The following BIRC6 variants were observed in gnomAD, a reference collection of about 807,000 sequenced individuals.
BIRC6 encodes the protein baculoviral IAP repeat containing 6.
BIRC6 carries 98 observed loss-of-function variants against 503.3 expected under a neutral mutation model. The observed-to-expected ratio is 0.19, with a 90% CI of 0.17 to 0.23. The LOEUF (loss-of-function observed/expected upper bound fraction) is 0.23, where lower values mean the gene tolerates loss of function less well. Among genes scored for constraint, BIRC6 ranks in the 10% least tolerant of loss-of-function variants. The pLI, the probability that BIRC6 is intolerant of heterozygous loss-of-function variation, is 1.00. For synonymous variants in BIRC6, 2,240 were observed against 2,078.7 expected, an observed-to-expected ratio of 1.08 and a Z score of -2.11; for missense variants, 5,360 against 5,806.0, an observed-to-expected ratio of 0.92 and a Z score of 2.50.
At chr2:32,550,444 A>AT (rs1295981000) in intron 65 of BIRC6, among the ~76,000 whole-genome samples, 1 of 151,984 alleles carries the variant, frequency 6.6e-6, no homozygotes, top group Non-Finnish European at 1.5e-5. Context: ...TATTAGATTG[A>AT]TTTTTTTGTT....
chr2:32,376,872 A>G (rs901741066), intron 1 of BIRC6, among the ~76,000 whole-genome samples: 1 of 152,180 alleles, frequency 6.6e-6, no homozygotes, highest in Non-Finnish European at 1.5e-5. Context: ...TATGTACTGT[A>G]CTTTTGGACC....
In BIRC6 at chr2:32,501,682, C is replaced by T. The variant is rs369785937; in HGVS notation, c.9032-31C>T. Reference sequence around the variant, plus strand: ...CACTGCGCCTGGCTGGATATATATACTTTTAATGTGGTATCTTTTATTTTT... The same window carrying T: ...CACTGCGCCTGGCTGGATATATATATTTTTAATGTGGTATCTTTTATTTTT... On this transcript the variant is annotated intron_variant, in intron 46 of 73. Coordinates refer to ENST00000421745, the MANE Select transcript of BIRC6 (RefSeq NM_016252.4). 3 of 1,586,314 alleles carry T rather than the reference C, an allele frequency of 1.9e-6. No homozygotes were observed. In the African/African-American group the frequency reaches 4.1e-5, roughly 22 times the overall value.
Position 32,593,902 on chromosome 2 carries a change from T to TA in BIRC6, c.13356-6dup, listed in dbSNP as rs1332469338. On this transcript the variant is annotated splice_polypyrimidine_tract_variant and intron_variant, in intron 66 of 73. Transcript: ENST00000421745. Reference sequence around the variant, plus strand: ...ATTTTCCTTGCTTTTCTTTCCATATTAAAAAAATTCAGATCTAAAAGGGAA... The same window carrying TA: ...ATTTTCCTTGCTTTTCTTTCCATATTAAAAAAAATTCAGATCTAAAAGGGAA... 7 of 1,603,796 alleles carry TA rather than the reference T, an allele frequency of 4.4e-6. No homozygotes were observed. Among genetic ancestry groups the TA allele is most frequent in the Non-Finnish European group, 6.0e-6 (7 of 1,175,786 alleles).
intron 1 of BIRC6, among the ~76,000 whole-genome samples, chr2:32,367,148 G>T (rs145108135): frequency 2.2e-4 from 33 of 148,822 alleles, no homozygotes; most frequent in Non-Finnish European, 4.1e-4. Context: ...CAAATAAAAA[G>T]AATACAGTAA....
At chr2:32,454,962 T>A (rs2047079747) in intron 23 of BIRC6, among the ~76,000 whole-genome samples, 1 of 152,226 alleles carries the variant, frequency 6.6e-6, no homozygotes, top group South Asian at 2.1e-4. Context: ...TCTTGGACTA[T>A]ATAGTCATTT....
intron 9 of BIRC6, among the ~76,000 whole-genome samples, chr2:32,411,737 C>T (rs1187897957): frequency 1.3e-5 from 2 of 152,064 alleles, no homozygotes; most frequent in Non-Finnish European, 2.9e-5. Flanking sequence ...CCTTGGCCTC[C>T]CAAAGTACTG....
In BIRC6 at chr2:32,467,938, C is replaced by T. The variant is rs201210878; in HGVS notation, c.5607C>T (p.Ala1869=). The T allele has an allele frequency of 5.0e-6, 8 of 1,613,458 alleles. No homozygotes were observed. The East Asian group carries it at 1.6e-4, about 31-fold the overall frequency. ...TVIGRYGSTN[A]RAKIPLGFYY... is the part of the protein sequence containing the mutation. ...TTGGACGTTACGGGAGTACAAATGC[C>T]AGAGCCAAAATCCCATTAGGATTTT... Residue 1869 remains alanine, a synonymous_variant, in exon 28 of 74, where the codon GCC becomes GCT. Coordinates refer to ENST00000421745, the MANE Select transcript of BIRC6 (RefSeq NM_016252.4).
At chr2:32,423,674 A>G (rs978291527) in intron 10 of BIRC6, among the ~76,000 whole-genome samples, 19 of 150,628 alleles carry the variant, frequency 1.3e-4, no homozygotes, top group African/African-American at 4.4e-4. Context: ...GGGCCCATCC[A>G]CCCCCCCAAT....
chr2:32,538,617 A>G (rs1226776537), intron 61 of BIRC6, among the ~76,000 whole-genome samples: 1 of 152,260 alleles, frequency 6.6e-6, no homozygotes, highest in African/African-American at 2.4e-5. Context: ...TCAAGAGTTG[A>G]TAGAAGATCT....
At chr2:32,497,285 C>T (rs573813477) in intron 45 of BIRC6, among the ~76,000 whole-genome samples, 10 of 152,330 alleles carry the variant, frequency 6.6e-5, no homozygotes, top group African/African-American at 1.4e-4. Flanking sequence ...CTGGCCCAAT[C>T]GGCATATGCC....
intron 8 of BIRC6, 35 bp from the exon 9 acceptor site, chr2:32,406,464 A>C (rs754314498): frequency 6.6e-7 from 1 of 1,519,596 alleles, no homozygotes; most frequent in Admixed American, 1.8e-5. Flanking sequence ...ACTTTTTTTG[A>C]AATTCAAATT....
chr2:32,580,259 A>G (rs904781670), intron 66 of BIRC6, among the ~76,000 whole-genome samples: 1 of 152,100 alleles, frequency 6.6e-6, no homozygotes, highest in Non-Finnish European at 1.5e-5. Flanking sequence ...CGCTGGGCCA[A>G]CCTGGCAGTT....
At position 32,439,632 on chromosome 2, in the gene BIRC6, G is replaced by C; in HGVS notation, c.3756G>C (p.Gln1252His). 1.2e-6 allele frequency: 2 copies of C among 1,613,958 alleles called. No individual in the cohort carries two copies. Among genetic ancestry groups the C allele is most frequent in the Non-Finnish European group, 1.7e-6 (2 of 1,179,882 alleles). The change falls in exon 16 of 74, where the codon CAG (glutamine) becomes CAC (histidine). Residue 1252 changes from glutamine (Q) to histidine (H), a missense_variant. Transcript: ENST00000421745. ...TAAGGCTTCCATCCCTAAAACACCA[G>C]AGTAACAAGGGTTATTCACTTGCTT... The part of the protein sequence containing the change: ...PVVRLPSLKH[Q>H]SNKGYSLASL...
At chr2:32,438,084 G>A (rs1041072362) in intron 15 of BIRC6, among the ~76,000 whole-genome samples, 3 of 152,110 alleles carry the variant, frequency 2.0e-5, no homozygotes, top group Non-Finnish European at 2.9e-5. Flanking sequence ...GAGCCACCAC[G>A]TCTGGTCAAA....
chr2:32,515,822 G>A, intron 55 of BIRC6, 52 bp downstream of exon 55: 2 of 1,483,742 alleles, frequency 1.3e-6, no homozygotes, highest in Non-Finnish European at 9.0e-7. Context: ...ATAAGAAAGG[G>A]CCATGTATAA....
intron 19 of BIRC6, 67 bp downstream of exon 19, chr2:32,442,522 G>A: frequency 7.0e-7 from 1 of 1,434,006 alleles, no homozygotes; most frequent in South Asian, 1.4e-5. Flanking sequence ...GTGATACCTT[G>A]TTTATAGTGT....
intron 4 of BIRC6, among the ~76,000 whole-genome samples, 190 bp downstream of exon 4, chr2:32,389,133 T>G (rs1196698925): frequency 1.3e-5 from 2 of 152,224 alleles, no homozygotes; most frequent in African/African-American, 4.8e-5. Context: ...GCTACTTGAA[T>G]TGCTATTTTT....
In BIRC6 at chr2:32,467,563, A is replaced by C. The variant is rs745832571; in HGVS notation, c.5395A>C (p.Ile1799Leu). The change falls in exon 27 of 74, where the codon ATA (isoleucine) becomes CTA (leucine). Residue 1799 changes from isoleucine (I) to leucine (L), a missense_variant. Physicochemically the swap from Ile to Leu is conservative, Grantham distance 5. Coordinates refer to ENST00000421745, the MANE Select transcript of BIRC6 (RefSeq NM_016252.4). ...RFVTLDFGRP[I>L]LLTDVLIPTC... ...TGTGACCTTGGATTTTGGGAGGCCT[A>C]TATTGTTGACTGATGTATTGATTCC... 2 of 1,613,942 alleles carry C rather than the reference A, an allele frequency of 1.2e-6. No individual in the cohort carries two copies. The highest frequency in any genetic ancestry group is 1.7e-6 in the Non-Finnish European group (2 of 1,179,874).
intron 20 of BIRC6, among the ~76,000 whole-genome samples, chr2:32,445,137 A>G (rs2045820599): frequency 2.6e-5 from 4 of 152,220 alleles, no homozygotes; most frequent in Admixed American, 2.6e-4. Flanking sequence ...ACAGAGAAAC[A>G]GTATGTTGGT....
Sources: allele counts gnomAD v4.1 joint callset (sites outside exome capture counted in the v4.1 genomes callset), GRCh38; gene constraint gnomAD v4.1.1; transcripts MANE v1.5; gene names NCBI Gene and HGNC (gene_info 2026-07-23, HGNC 2026-07-21).